CARF: variants seen among roughly 807,000 people sequenced by gnomAD.
CARF encodes the protein calcium responsive transcription factor.
Under a neutral mutation model 82.0 loss-of-function variants are expected in CARF, and 57 were observed. The ratio of observed to expected loss-of-function variants is 0.70; its 90% CI spans 0.56 to 0.87. CARF has a LOEUF of 0.87. Ranked by LOEUF, CARF falls within the 40% of genes least tolerant of loss-of-function variation. The probability of loss-of-function intolerance (pLI) is 0.00; values close to 1 mark genes in which losing one functional copy is unlikely to be tolerated. For missense variants in CARF, 771 were observed against 855.8 expected, an observed-to-expected ratio of 0.90 and a Z score of 1.24; for synonymous variants, 268 against 290.1, an observed-to-expected ratio of 0.92 and a Z score of 0.77.
At position 202,984,796 on chromosome 2, in the gene CARF, C is replaced by G; in HGVS notation, c.*1172C>G. 6.6e-6 allele frequency: 1 copy of G among 152,142 alleles called. No homozygotes were observed. The highest frequency in any genetic ancestry group is 2.1e-4 in the South Asian group (1 of 4,830). The allele number at this position is 152,142 out of a possible 1,614,324, so 9.4% of individuals were successfully genotyped here. A position where few individuals can be genotyped will look rare whatever the true frequency, so the allele number is the denominator to read the frequency against. On this transcript the variant is annotated 3_prime_UTR_variant, in exon 17 of 17. Transcript: ENST00000438828. ...CTAGGCTGGACATGGTGGCTCACAC[C>G]TGTAATCACAATACTTTGGGAGGCT...
intron 13 of CARF, 56 bp downstream of exon 13, chr2:202,974,552 T>C: frequency 6.8e-7 from 1 of 1,478,176 alleles, no homozygotes; most frequent in Non-Finnish European, 9.2e-7. Context: ...TCTATTAATA[T>C]TTAGTCTAAT....
intron 12 of CARF, among the ~76,000 whole-genome samples, chr2:202,972,823 T>C (rs553147152): frequency 1.3e-4 from 20 of 152,312 alleles, no homozygotes; most frequent in African/African-American, 4.6e-4. Context: ...ATAAATATAG[T>C]AAGCCCCCTC....
At chr2:202,924,148 A>C (rs1030794703) in intron 2 of CARF, 149 bp from the exon 3 acceptor site, 3 of 152,234 alleles carry the variant, frequency 2.0e-5, no homozygotes, top group Admixed American at 6.5e-5. Flanking sequence ...ACTGAGTTGT[A>C]AAAGTTCTTT....
Position 202,912,595 on chromosome 2 carries a change from G to C in CARF, c.-837G>C, listed in dbSNP as rs1215278862. 1 of 152,014 alleles carries C rather than the reference G, an allele frequency of 6.6e-6. No homozygotes were observed. Among genetic ancestry groups the C allele is most frequent in the Admixed American group, 6.5e-5 (1 of 15,274 alleles). 9.4% of individuals were successfully genotyped at this position (152,014 alleles called of 1,614,324 possible). The stretch of plus-strand genomic sequence containing the variant: ...TGGCGGCGCCTTCCGCGCCAAGCTT[G>C]GGGGCCTTTTCGGGGTCCCACATGG... On this transcript the variant is annotated 5_prime_UTR_variant, in exon 1 of 17. Coordinates refer to ENST00000438828, the MANE Select transcript of CARF (RefSeq NM_024744.17).
intron 14 of CARF, among the ~76,000 whole-genome samples, chr2:202,979,502 T>G (rs984306184): frequency 6.6e-6 from 1 of 151,876 alleles, no homozygotes; most frequent in Non-Finnish European, 1.5e-5. Context: ...AGCTGAAGTT[T>G]AGAAACTAAG....
chr2:202,921,853 TCTCA>T (rs1252862162), intron 2 of CARF, among the ~76,000 whole-genome samples: 1 of 151,472 alleles, frequency 6.6e-6, no homozygotes, highest in Non-Finnish European at 1.5e-5. Context: ...TGAGATGGGG[TCTCA>T]CTCTGTCACC....
rs2060077417 is a variant in CARF at position 202,977,335 on chromosome 2, A to G, written c.1558+3A>G. On this transcript the variant is annotated splice_donor_region_variant and intron_variant, in intron 14 of 16. Coordinates refer to ENST00000438828, the MANE Select transcript of CARF (RefSeq NM_024744.17). The stretch of plus-strand genomic sequence containing the variant: ...CATGACAGTTACATTTGCAGAAGGT[A>G]GGTTTTCTTGAATACCTTTAAAATA... 3 of 1,605,830 alleles carry G rather than the reference A, an allele frequency of 1.9e-6. No homozygotes were observed. The highest frequency in any genetic ancestry group is 2.7e-5 in the African/African-American group (2 of 74,766).
At position 202,974,136 on chromosome 2, in the gene CARF, T is replaced by C. The variant is rs183844059; in HGVS notation, c.1332-198T>C. ...CTAATATATTTAGATGTTTTACCAATGAAAATATTACATTTCTATAGTCTG... is the reference window on the plus strand; with the variant it reads ...CTAATATATTTAGATGTTTTACCAACGAAAATATTACATTTCTATAGTCTG... On this transcript the variant is annotated intron_variant, in intron 12 of 16. Transcript: ENST00000438828. Among the ~76,000 whole-genome samples the C allele has an allele frequency of 3.3e-3, 503 of 152,314 alleles. 1 individual carries two copies. The highest frequency in any genetic ancestry group is 0.012 in the African/African-American group (485 of 41,570).
chr2:202,981,893 G>A (rs2060276856), intron 15 of CARF, among the ~76,000 whole-genome samples, 179 bp from the exon 16 acceptor site: 3 of 152,164 alleles, frequency 2.0e-5, no homozygotes, highest in African/African-American at 7.2e-5. Context: ...GACTATGAAT[G>A]CAGTAAATTT....
At chr2:202,939,735 C>G (rs1319903543) in intron 3 of CARF, among the ~76,000 whole-genome samples, 1 of 134,786 alleles carries the variant, frequency 7.4e-6, no homozygotes, top group Non-Finnish European at 1.5e-5. Flanking sequence ...GTCACCCAGG[C>G]TGGAGTGCAG....
chr2:202,959,120 A>C (rs978155808), intron 8 of CARF, among the ~76,000 whole-genome samples: 10 of 152,066 alleles, frequency 6.6e-5, no homozygotes, highest in African/African-American at 2.2e-4. Flanking sequence ...AAGTATATAT[A>C]GTTCTGATTA....
intron 14 of CARF, among the ~76,000 whole-genome samples, chr2:202,980,491 T>A (rs894643574): frequency 8.6e-5 from 13 of 150,650 alleles, no homozygotes; most frequent in Non-Finnish European, 1.9e-4. Flanking sequence ...CTACAAAAGG[T>A]GAATTAAGTT....
At chr2:202,961,757 A>G (rs1160578926) in intron 9 of CARF, 12 of 361,462 alleles carry the variant, frequency 3.3e-5, no homozygotes, top group Non-Finnish European at 5.4e-5. Flanking sequence ...TTTCCCCTTC[A>G]GATTAAATAT....
At chr2:202,972,050 G>C (rs922168622) in intron 12 of CARF, among the ~76,000 whole-genome samples, 6 of 151,964 alleles carry the variant, frequency 3.9e-5, no homozygotes, top group Non-Finnish European at 7.4e-5. Context: ...TTTTAGAGAA[G>C]AAAACCTTTG....
chr2:202,943,657 T>TG (rs1477906595), intron 5 of CARF, among the ~76,000 whole-genome samples: 1 of 148,650 alleles, frequency 6.7e-6, no homozygotes, highest in Non-Finnish European at 1.5e-5. Context: ...GTTTTGTTTT[T>TG]TTTTTTCTGA....
At chr2:202,919,229 T>G (rs1029557606) in intron 2 of CARF, among the ~76,000 whole-genome samples, 14 of 152,164 alleles carry the variant, frequency 9.2e-5, no homozygotes, top group African/African-American at 3.4e-4. Context: ...TTACAGAAAT[T>G]TATACCAATT....
rs1386515613 is a variant in CARF, at chr2:202,983,555, AC to A, written c.2112del (p.Glu706AsnfsTer35). ...TISVSQVKQE[P>X]KEPALSMEAK... is the part of the protein sequence containing the mutation. ...TTTCTGTGAGCCAAGTTAAACAAGA[AC>A]CCAAAGAACCAGCATTGTCTATGGA... On this transcript the variant is annotated frameshift_variant, in exon 17 of 17. Transcript: ENST00000438828. LOFTEE classifies it high-confidence loss of function. The A allele has an allele frequency of 1.2e-6, 2 of 1,612,112 alleles. No homozygotes were observed. The highest frequency in any genetic ancestry group is 1.7e-6 in the Non-Finnish European group (2 of 1,179,382).
intron 8 of CARF, among the ~76,000 whole-genome samples, chr2:202,956,601 G>A (rs2059056097): frequency 1.3e-5 from 2 of 151,952 alleles, no homozygotes; most frequent in African/African-American, 4.8e-5. Flanking sequence ...CTACTTGCTT[G>A]AAGGTTTATT....
intron 4 of CARF, among the ~76,000 whole-genome samples, chr2:202,942,261 C>T (rs1306539560): frequency 1.3e-5 from 2 of 151,896 alleles, no homozygotes; most frequent in Non-Finnish European, 2.9e-5. Context: ...GTAATCCCAG[C>T]TACTCAGGAG....
Sources: gnomAD v4.1 joint callset for allele counts (sites outside exome capture counted in the v4.1 genomes callset) on GRCh38, gnomAD v4.1.1 for gene constraint, MANE v1.5 for transcripts, NCBI Gene and HGNC (gene_info 2026-07-23, HGNC 2026-07-21) for gene names.